Variants in WFDC5 observed in about 807,000 individuals in gnomAD.
WFDC5 encodes WAP four-disulfide core domain protein 5.
In WFDC5, 15 loss-of-function variants were observed where a neutral mutation model predicts 15.7. The observed-to-expected ratio is 0.96, with a 90% CI of 0.64 to 1.47. The LOEUF (loss-of-function observed/expected upper bound fraction) is 1.47, where lower values mean the gene tolerates loss of function less well. Among genes scored for constraint, WFDC5 ranks in the 40% most tolerant of loss-of-function variants. WFDC5 has a pLI of 0.00. For missense variants in WFDC5, 280 were observed against 258.0 expected (o/e 1.09, Z -0.59); for synonymous variants, 109 against 107.7 (o/e 1.01, Z -0.07).
chr20:45,110,423 C>T (rs139507452), exon 3 of WFDC5: 52 of 1,608,602 alleles, frequency 3.2e-5, no homozygotes, highest in South Asian at 3.1e-4. Flanking sequence ...CCGGCAATCC[C>T]GCCCGCAGGC....
exon 4 of WFDC5, chr20:45,109,646 T>TG (rs1981552006): frequency 4.5e-6 from 3 of 662,030 alleles, no homozygotes; most frequent in Non-Finnish European, 8.5e-6. Flanking sequence ...TCTGGATGGT[T>TG]GGGCTGCCTG....
chr20:45,109,901 C>G, exon 4 of WFDC5: 1 of 1,495,296 alleles, frequency 6.7e-7, no homozygotes, highest in Non-Finnish European at 9.3e-7. Context: ...CTGGAACCAC[C>G]GCTGGTAGAG....
chr20:45,110,817 C>A, intron 1 of WFDC5, 42 bp from the exon 2 acceptor site: 1 of 1,610,598 alleles, frequency 6.2e-7, no homozygotes, highest in Non-Finnish European at 8.5e-7. Flanking sequence ...AGGAAGCTCA[C>A]GGTTATGTAA....
chr20:45,114,704 G>A (rs1333944658), intron 1 of WFDC5, among the ~76,000 whole-genome samples: 3 of 151,298 alleles, frequency 2.0e-5, no homozygotes, highest in Admixed American at 6.6e-5. Context: ...TGCATTCCCC[G>A]CCCTGCCACC....
chr20:45,112,958 C>T (rs1981661854), intron 1 of WFDC5, among the ~76,000 whole-genome samples: 1 of 152,120 alleles, frequency 6.6e-6, no homozygotes, highest in Non-Finnish European at 1.5e-5. Flanking sequence ...TAGATACATA[C>T]ACACAGATAG....
chr20:45,113,190 C>A (rs954624766), intron 1 of WFDC5, among the ~76,000 whole-genome samples: 25 of 152,200 alleles, frequency 1.6e-4, no homozygotes, highest in Non-Finnish European at 4.4e-5. Flanking sequence ...ATCAGAGACA[C>A]CCAGACGTTT....
At chr20:45,114,111 C>T (rs774058611) in intron 1 of WFDC5, among the ~76,000 whole-genome samples, 17 of 152,218 alleles carry the variant, frequency 1.1e-4, no homozygotes, top group Non-Finnish European at 1.9e-4. Flanking sequence ...CGAGGAGTTA[C>T]GTGATGATGG....
At chr20:45,111,370 T>C (rs1244362303) in intron 1 of WFDC5, among the ~76,000 whole-genome samples, 2 of 146,162 alleles carry the variant, frequency 1.4e-5, no homozygotes, top group Non-Finnish European at 3.0e-5. Context: ...CTCACTTGGC[T>C]GGAGGTGAGG....
intron 1 of WFDC5, among the ~76,000 whole-genome samples, chr20:45,114,070 T>C (rs1271955211): frequency 6.6e-6 from 1 of 152,180 alleles, no homozygotes; most frequent in African/African-American, 2.4e-5. Flanking sequence ...AAAATGGGGA[T>C]GAAAATAGTC....
chr20:45,111,792 C>A (rs1404876517), intron 1 of WFDC5, among the ~76,000 whole-genome samples: 1 of 152,186 alleles, frequency 6.6e-6, no homozygotes, highest in African/African-American at 2.4e-5. Context: ...CTTGTCCAGA[C>A]CCACATGGGC....
At chr20:45,110,686 T>C (rs764096953) in exon 2 of WFDC5, 1 of 1,614,142 alleles carries the variant, frequency 6.2e-7, no homozygotes, top group Admixed American at 1.7e-5. Context: ...CAGCACTTCC[T>C]GGTCAAGGGA....
Position 45,110,390 on chromosome 20 carries a change from G to A in WFDC5, c.377C>T (p.Pro126Leu). 1 of 1,592,766 alleles carries A rather than the reference G, an allele frequency of 6.3e-7. No homozygotes were observed. The highest frequency in any genetic ancestry group is 8.5e-7 in the Non-Finnish European group (1 of 1,170,402). The change falls in exon 3 of 4, where the codon CCT becomes CTT. Residue 126 changes from proline to leucine, a missense_variant. Physicochemically the swap from Pro to Leu is moderately conservative, Grantham distance 98 (BLOSUM62 -3). Coordinates refer to ENST00000307971, the Ensembl canonical transcript of WFDC5. ...GGGAGGCACCTGCCCTGGGCACCCA[G>A]GAGCCGTACCTCTGGCAGGATCCCG...
intron 1 of WFDC5, among the ~76,000 whole-genome samples, chr20:45,112,846 T>TTA (rs1981658683): frequency 6.6e-6 from 1 of 152,086 alleles, no homozygotes; most frequent in Non-Finnish European, 1.5e-5. Context: ...TATCAGAGAG[T>TTA]TATATATATG....
chr20:45,114,891 G>A (rs11700134), intron 1 of WFDC5, 108 bp downstream of exon 1: 217,693 of 1,057,206 alleles, frequency 0.21, 15,597 homozygotes, highest in Non-Finnish European at 0.23. Flanking sequence ...ACACACACAC[G>A]CGCACACACA....
chr20:45,114,051 C>T (rs1011229552), intron 1 of WFDC5, among the ~76,000 whole-genome samples: 1 of 152,212 alleles, frequency 6.6e-6, no homozygotes, highest in African/African-American at 2.4e-5. Flanking sequence ...CTCAATTTTC[C>T]TCATCTGCAA....
chr20:45,112,219 C>T (rs1006196840), intron 1 of WFDC5, among the ~76,000 whole-genome samples: 1 of 152,172 alleles, frequency 6.6e-6, no homozygotes, highest in Admixed American at 6.5e-5. Flanking sequence ...CAAGGTTTAG[C>T]CCTGAATTCA....
intron 1 of WFDC5, among the ~76,000 whole-genome samples, chr20:45,112,328 T>C (rs1981643423): frequency 6.6e-6 from 1 of 152,156 alleles, no homozygotes; most frequent in Admixed American, 6.5e-5. Context: ...CAGGGAGAGC[T>C]TCTGTGGCGA....
upstream of WFDC5, among the ~76,000 whole-genome samples, chr20:45,115,772 C>CAAA (rs1439709739): frequency 6.6e-6 from 1 of 152,132 alleles, no homozygotes; most frequent in Non-Finnish European, 1.5e-5. Flanking sequence ...CTGGTCACAG[C>CAAA]AGATGTGTGG....
At chr20:45,113,075 T>C (rs1391945171) in intron 1 of WFDC5, among the ~76,000 whole-genome samples, 1 of 152,176 alleles carries the variant, frequency 6.6e-6, no homozygotes, top group Non-Finnish European at 1.5e-5. Context: ...CAGAATCATA[T>C]GCACAGAGCT....
Sources: allele counts gnomAD v4.1 joint callset (sites outside exome capture counted in the v4.1 genomes callset), GRCh38; gene constraint gnomAD v4.1.1; transcripts MANE v1.5; gene names NCBI Gene and HGNC (gene_info 2026-07-23, HGNC 2026-07-21).